Variants in FER1L6 observed in about 807,000 individuals in gnomAD.
The protein encoded by FER1L6 is fer-1-like protein 6.
A neutral mutation model predicts 219.2 loss-of-function variants in FER1L6; 177 were observed. That is an observed-to-expected ratio of 0.81 (90% CI 0.71 to 0.91). The LOEUF (loss-of-function observed/expected upper bound fraction) is 0.91. FER1L6 is among the 40% of genes least tolerant of loss of function. The pLI is 0.00. For synonymous variants in FER1L6, 768 were observed against 824.3 expected, an observed-to-expected ratio of 0.93 and a Z score of 1.17; for missense variants, 2,153 against 2,259.9, an observed-to-expected ratio of 0.95 and a Z score of 0.96.
chr8:124,042,122 T>A (rs1405858229), intron 20 of FER1L6, among the ~76,000 whole-genome samples: 1 of 152,208 alleles, frequency 6.6e-6, no homozygotes, highest in Non-Finnish European at 1.5e-5. Context: ...AGGGCCTTAG[T>A]GAAGTACAGG....
At position 124,017,832 on chromosome 8, in the gene FER1L6, T is replaced by G. The variant is rs571472404; in HGVS notation, c.2013+114T>G. The G allele has an allele frequency of 6.7e-5, 49 of 729,938 alleles. 1 individual carries two copies. In the East Asian group the frequency reaches 1.3e-3, roughly 19 times the overall value. The allele number at this position is 729,938 out of a possible 1,614,324, so 45.2% of individuals were successfully genotyped here. ...GTTTAAAGGTCATACATTTTTGGGA[T>G]GCAGAGACAAGAGTGAAAAGGGACT... On this transcript the variant is annotated intron_variant, in intron 16 of 40. Transcript: ENST00000522917.
intron 1 of FER1L6, among the ~76,000 whole-genome samples, chr8:123,875,462 C>T (rs1274393098): frequency 3.3e-5 from 5 of 152,160 alleles, no homozygotes; most frequent in Non-Finnish European, 5.9e-5. Context: ...AGCCTTGCTC[C>T]TCCTCCTGTC....
chr8:124,101,740 C>T (rs543262966), intron 38 of FER1L6, among the ~76,000 whole-genome samples: 44 of 152,326 alleles, frequency 2.9e-4, no homozygotes, highest in Middle Eastern at 3.4e-3. Flanking sequence ...CAAAATGTAT[C>T]TGAGACAAGT....
At chr8:124,058,051 A>G (rs190161900) in intron 22 of FER1L6, among the ~76,000 whole-genome samples, 58 of 152,326 alleles carry the variant, frequency 3.8e-4, no homozygotes, top group Non-Finnish European at 7.3e-4. Flanking sequence ...CTACATAAAA[A>G]TATGTAGTGA....
chr8:124,060,314 G>A (rs1443316159), intron 23 of FER1L6, 24 bp downstream of exon 23: 2 of 1,608,300 alleles, frequency 1.2e-6, no homozygotes, highest in African/African-American at 2.7e-5. Context: ...GAGGAGCTGA[G>A]TTGTTCTTTG....
intron 13 of FER1L6, among the ~76,000 whole-genome samples, chr8:124,008,115 C>T (rs1409120445): frequency 6.6e-6 from 1 of 152,110 alleles, no homozygotes; most frequent in Admixed American, 6.5e-5. Context: ...CCCTCCGAGT[C>T]CCCAAAGTCC....
chr8:123,884,307 G>A (rs1385569818), intron 1 of FER1L6, among the ~76,000 whole-genome samples: 1 of 152,158 alleles, frequency 6.6e-6, no homozygotes, highest in African/African-American at 2.4e-5. Context: ...TCCCCATGGG[G>A]CAGATTAGGA....
At position 124,053,982 on chromosome 8, in the gene FER1L6, C is replaced by G. The variant is rs113206686; in HGVS notation, c.2874+4226C>G. The stretch of plus-strand genomic sequence containing the variant: ...TCCTCCCTATCCTGACTCATAGCCC[C>G]GTTGTTCTCCCAGACACTCCAGCTT... On this transcript the variant is annotated intron_variant, in intron 22 of 40. Coordinates refer to ENST00000522917, the MANE Select transcript of FER1L6 (RefSeq NM_001039112.2). 6.1e-3 allele frequency among the ~76,000 whole-genome samples: 934 copies of G among 152,316 alleles called. 19 individuals carry two copies. The highest frequency in any genetic ancestry group is 0.021 in the African/African-American group (882 of 41,570).
At chr8:124,078,952 C>T (rs1341115118) in intron 32 of FER1L6, among the ~76,000 whole-genome samples, 2 of 152,142 alleles carry the variant, frequency 1.3e-5, no homozygotes, top group African/African-American at 4.8e-5. Context: ...TTCTGGGATG[C>T]TTCCTTCTGT....
Position 123,933,825 on chromosome 8 carries a change from T to C in FER1L6, c.-7-22167T>C, listed in dbSNP as rs1414997539. Reference sequence around the variant, plus strand: ...TGCTTTTTTTTCCAGCTTTTTCTCATGAAGTTTTATTTTAAAAATTTTCTA... The same window carrying C: ...TGCTTTTTTTTCCAGCTTTTTCTCACGAAGTTTTATTTTAAAAATTTTCTA... On this transcript the variant is annotated intron_variant, in intron 1 of 40. Transcript: ENST00000522917. Among the ~76,000 whole-genome samples the C allele has an allele frequency of 9.2e-5, 14 of 152,212 alleles. 1 individual carries two copies. Among genetic ancestry groups the C allele is most frequent in the Non-Finnish European group, 1.5e-5 (1 of 68,036 alleles).
chr8:123,946,922 AG>A (rs1814517868), intron 1 of FER1L6, among the ~76,000 whole-genome samples: 1 of 152,138 alleles, frequency 6.6e-6, no homozygotes, highest in African/African-American at 2.4e-5. Context: ...GGCCTAGTGC[AG>A]TGCTTGGAAC....
chr8:124,034,939 T>G (rs901192163), intron 18 of FER1L6, among the ~76,000 whole-genome samples: 1 of 152,220 alleles, frequency 6.6e-6, no homozygotes, highest in Non-Finnish European at 1.5e-5. Context: ...GGCAACTTAC[T>G]TTATCTCTCT....
intron 1 of FER1L6, among the ~76,000 whole-genome samples, chr8:123,945,303 G>A (rs1423693506): frequency 2.0e-5 from 3 of 152,172 alleles, no homozygotes; most frequent in African/African-American, 7.2e-5. Context: ...TCCTGTTCAA[G>A]AGGCTCCAAC....
chr8:123,968,656 T>C (rs749509747), intron 5 of FER1L6, among the ~76,000 whole-genome samples: 2 of 152,238 alleles, frequency 1.3e-5, no homozygotes, highest in African/African-American at 2.4e-5. Context: ...TTTAAGCATA[T>C]ATATGAGAAA....
chr8:124,092,745 G>C (rs563904670), intron 34 of FER1L6, among the ~76,000 whole-genome samples: 1 of 152,262 alleles, frequency 6.6e-6, no homozygotes, highest in Non-Finnish European at 1.5e-5. Flanking sequence ...CTTGGCTTCT[G>C]GGGAGGCCTC....
chr8:123,878,309 G>A (rs1214736957), intron 1 of FER1L6, among the ~76,000 whole-genome samples: 1 of 152,128 alleles, frequency 6.6e-6, no homozygotes, highest in Non-Finnish European at 1.5e-5. Flanking sequence ...CTCTTCCATG[G>A]CCAAGTGTAA....
intron 22 of FER1L6, among the ~76,000 whole-genome samples, chr8:124,050,732 T>A (rs1171489060): frequency 6.6e-6 from 1 of 152,108 alleles, no homozygotes; most frequent in Non-Finnish European, 1.5e-5. Flanking sequence ...GGTGTCTTCA[T>A]GCCACCAAGA....
intron 28 of FER1L6, among the ~76,000 whole-genome samples, chr8:124,068,259 G>A (rs528077830): frequency 7.1e-4 from 108 of 152,264 alleles, no homozygotes; most frequent in African/African-American, 2.5e-3. Flanking sequence ...AAATACAACT[G>A]TAACGTTAAG....
intron 1 of FER1L6, among the ~76,000 whole-genome samples, chr8:123,937,773 A>C (rs1254430618): frequency 6.6e-6 from 1 of 152,172 alleles, no homozygotes; most frequent in African/African-American, 2.4e-5. Flanking sequence ...CACTTTTTCT[A>C]TTTTAGAAAA....
Sources: allele counts gnomAD v4.1 joint callset (sites outside exome capture counted in the v4.1 genomes callset), GRCh38; gene constraint gnomAD v4.1.1; transcripts MANE v1.5; gene names NCBI Gene and HGNC (gene_info 2026-07-23, HGNC 2026-07-21).